OLFM1: variants seen among roughly 807,000 people sequenced by gnomAD.
OLFM1 encodes the protein noelin.
A neutral mutation model predicts 49.7 loss-of-function variants in OLFM1; 9 were observed. The ratio of observed to expected loss-of-function variants is 0.18; its 90% CI spans 0.11 to 0.32. The LOEUF (loss-of-function observed/expected upper bound fraction) is 0.32, where lower values mean the gene tolerates loss of function less well. OLFM1 is among the 10% of genes least tolerant of loss of function. The pLI is 1.00. For missense variants in OLFM1, 369 were observed against 661.8 expected (o/e 0.56, Z 4.85); for synonymous variants, 240 against 271.8 (o/e 0.88, Z 1.15).
chr9:135,107,487 G>T (rs961544843), intron 5 of OLFM1, among the ~76,000 whole-genome samples: 3 of 152,186 alleles, frequency 2.0e-5, no homozygotes, highest in African/African-American at 7.2e-5. Flanking sequence ...GGGGAGGTGA[G>T]GGTGGCTGCC....
At chr9:135,103,145 A>G (rs1053221602) in intron 4 of OLFM1, among the ~76,000 whole-genome samples, 1 of 152,112 alleles carries the variant, frequency 6.6e-6, no homozygotes, top group African/African-American at 2.4e-5. Flanking sequence ...CGTTTGGGCC[A>G]TTTCCTGAGC....
In OLFM1 at chr9:135,119,578, G is replaced by A. The variant is rs767327456; in HGVS notation, c.858G>A (p.Thr286=). 1.2e-5 allele frequency: 20 copies of A among 1,613,958 alleles called. No individual in the cohort carries two copies. Among genetic ancestry groups the A allele is most frequent in the Middle Eastern group, 1.6e-4 (1 of 6,084 alleles). The stretch of plus-strand genomic sequence containing the variant: ...AGTCCATGGTTGACTTCATGAACAC[G>A]GACAATTTCACCTCCCACCGTCTCC... The part of the protein sequence containing the change: ...EYKSMVDFMN[T]DNFTSHRLPH... The change falls in exon 6 of 6, where the codon ACG becomes ACA. Residue 286 remains threonine, a synonymous_variant. Coordinates refer to ENST00000371793, the MANE Select transcript of OLFM1 (RefSeq NM_001282611.2).
intron 5 of OLFM1, among the ~76,000 whole-genome samples, chr9:135,108,504 G>A (rs1274567804): frequency 6.6e-6 from 1 of 151,896 alleles, no homozygotes; most frequent in African/African-American, 2.4e-5. Context: ...GTGGTGGCGT[G>A]CACCTGTAAT....
chr9:135,112,895 A>G (rs2382979), intron 5 of OLFM1, among the ~76,000 whole-genome samples: 32,320 of 152,148 alleles, frequency 0.21, 3,564 homozygotes, highest in Middle Eastern at 0.29. Flanking sequence ...AGAGGGCATC[A>G]CTGGGGGCAT....
chr9:135,117,215 C>T lies in OLFM1; in HGVS notation c.784-2289C>T, dbSNP rs568822494. ...GTTCTCAAGTCAACTGGCATTTCAT[C>T]GGAAATCTCTTCTTCTGTAACCCCA... On this transcript the variant is annotated intron_variant, in intron 5 of 5. Transcript: ENST00000371793. This position sits in a 1 kb window ranked among gnomAD's most constrained non-coding sequence, Gnocchi z 5.5. Among the ~76,000 whole-genome samples the T allele has an allele frequency of 1.4e-4, 22 of 152,282 alleles. No individual in the cohort carries two copies. In the South Asian group the frequency reaches 3.1e-3, roughly 22 times the overall value.
chr9:135,080,833 G>A lies in OLFM1; in HGVS notation c.96+5031G>A, dbSNP rs1236738415. On this transcript the variant is annotated intron_variant, in intron 1 of 5. Transcript: ENST00000252854. The surrounding 1 kb of genome is among the most constrained non-coding windows in gnomAD (Gnocchi z 4.5). ...CTGAAAGATTCGTCCTGGACACCCTGCACGCTCGGAAACCTCAGCGCTGTC... is the reference window on the plus strand; with the variant it reads ...CTGAAAGATTCGTCCTGGACACCCTACACGCTCGGAAACCTCAGCGCTGTC... Among the ~76,000 whole-genome samples the A allele has an allele frequency of 6.6e-6, 1 of 152,128 alleles. No individual in the cohort carries two copies. The highest frequency in any genetic ancestry group is 2.4e-5 in the African/African-American group (1 of 41,422).
chr9:135,086,404 C>T (rs1005900482), upstream of OLFM1: 4 of 358,088 alleles, frequency 1.1e-5, no homozygotes, highest in Admixed American at 1.1e-4. Context: ...GTCTCTTCAG[C>T]CGAGGACTGC....
rs762322356 is a variant in OLFM1, at chr9:135,096,038, C to A, written c.456+19C>A. 3.8e-6 allele frequency: 5 copies of A among 1,331,146 alleles called. No individual in the cohort carries two copies. In the South Asian group the frequency reaches 4.7e-5, roughly 13 times the overall value. The allele number at this position is 1,331,146 out of a possible 1,614,324, so 82.5% of individuals were successfully genotyped here. ...GTTTAAGGTATGCATGTTCCTCCCC[C>A]TCTCCCTCCCCTTATCCTCCTCCTC... is the stretch of plus-strand genomic sequence containing the variant. On this transcript the variant is annotated intron_variant, in intron 3 of 5. Transcript: ENST00000371793.
chr9:135,078,919 C>T (rs1830500170), intron 1 of OLFM1, among the ~76,000 whole-genome samples: 1 of 152,216 alleles, frequency 6.6e-6, no homozygotes, highest in Admixed American at 6.5e-5. Flanking sequence ...TGAGCCTGAC[C>T]TTCCTTGTTT....
In OLFM1 at chr9:135,115,873, C is replaced by T. The variant is rs561252827; in HGVS notation, c.784-3631C>T. Among the ~76,000 whole-genome samples, 67 of 152,356 alleles carry T rather than the reference C, an allele frequency of 4.4e-4. 1 individual carries two copies. The South Asian group carries it at 0.013, about 29-fold the overall frequency. ...GATAATTGAAGGCAAGAGATGATGC[C>T]AGCGTCCGGCACAGTGAATGCCCTG... On this transcript the variant is annotated intron_variant, in intron 5 of 5. Coordinates refer to ENST00000371793, the MANE Select transcript of OLFM1 (RefSeq NM_001282611.2).
chr9:135,119,606 C>T lies in OLFM1; in HGVS notation c.886C>T (p.His296Tyr). Residue 296 changes from histidine (H) to tyrosine (Y), a missense_variant, in exon 6 of 6, where the codon CAC becomes TAC. Coordinates refer to ENST00000371793, the MANE Select transcript of OLFM1 (RefSeq NM_001282611.2). ...CAATTTCACCTCCCACCGTCTCCCC[C>T]ACCCCTGGTCGGGCACGGGGCAGGT... Reference protein sequence around the residue: ...TDNFTSHRLPHPWSGTGQVVY... With the variant: ...TDNFTSHRLPYPWSGTGQVVY... 1.9e-6 allele frequency: 3 copies of T among 1,614,128 alleles called. No homozygotes were observed. Among genetic ancestry groups the T allele is most frequent in the Non-Finnish European group, 2.5e-6 (3 of 1,179,988 alleles).
chr9:135,075,921 C>G (rs1830458709), intron 1 of OLFM1: 1 of 1,410,796 alleles, frequency 7.1e-7, no homozygotes, highest in East Asian at 2.8e-5. Flanking sequence ...GGCCTGGGCG[C>G]CCGAAGTGCC....
At chr9:135,077,269 A>C in intron 1 of OLFM1, 1 of 1,434,628 alleles carries the variant, frequency 7.0e-7, no homozygotes, top group Non-Finnish European at 9.2e-7. Flanking sequence ...TTATTGAGAC[A>C]CCTTGGCAAA....
chr9:135,078,129 G>T (rs60281727), intron 1 of OLFM1, among the ~76,000 whole-genome samples: 1 of 152,176 alleles, frequency 6.6e-6, no homozygotes, highest in Non-Finnish European at 1.5e-5. Flanking sequence ...AAAGTTATGC[G>T]TTGCGGGTTC....
Position 135,117,914 on chromosome 9 carries a change from C to A in OLFM1, c.784-1590C>A, listed in dbSNP as rs953009577. On this transcript the variant is annotated intron_variant, in intron 5 of 5. Coordinates refer to ENST00000371793, the MANE Select transcript of OLFM1 (RefSeq NM_001282611.2). This position sits in a 1 kb window ranked among gnomAD's most constrained non-coding sequence, Gnocchi z 5.5. Reference sequence around the variant, plus strand: ...GTTCCCATCTCACCTTCCCACTAGACCCTTTCTTCAAACTGGGCCATCCTT... The same window carrying A: ...GTTCCCATCTCACCTTCCCACTAGAACCTTTCTTCAAACTGGGCCATCCTT... Among the ~76,000 whole-genome samples, 1 of 152,234 alleles carries A rather than the reference C, an allele frequency of 6.6e-6. No individual in the cohort carries two copies. Among genetic ancestry groups the A allele is most frequent in the African/African-American group, 2.4e-5 (1 of 41,460 alleles).
chr9:135,110,734 G>A lies in OLFM1; in HGVS notation c.783+3879G>A, dbSNP rs114849738. ...CCTTCACTCCCCAAGTGGAGCCTCC[G>A]GCAGAAACTGCCAGCATCCCCCCCA... is the stretch of plus-strand genomic sequence containing the variant. On this transcript the variant is annotated intron_variant, in intron 5 of 5. Transcript: ENST00000371793. Among the ~76,000 whole-genome samples the A allele has an allele frequency of 7.6e-3, 1,157 of 152,136 alleles. 8 individuals are homozygous for A. Among genetic ancestry groups the A allele is most frequent in the African/African-American group, 0.024 (1,004 of 41,494 alleles).
In OLFM1 at chr9:135,088,361, G is replaced by A. The variant is rs377236252; in HGVS notation, c.150+222G>A. Among the ~76,000 whole-genome samples the A allele has an allele frequency of 6.6e-6, 1 of 151,780 alleles. No individual in the cohort carries two copies. Among genetic ancestry groups the A allele is most frequent in the Non-Finnish European group, 1.5e-5 (1 of 67,892 alleles). ...TGGGCCACTCCATCTCCGCCCGCGC[G>A]CCCCTGGGGCGGCGTTTCCTTCGTC... On this transcript the variant is annotated intron_variant, in intron 1 of 5. Coordinates refer to ENST00000371793, the MANE Select transcript of OLFM1 (RefSeq NM_001282611.2). The surrounding 1 kb of genome is among the most constrained non-coding windows in gnomAD (Gnocchi z 4.8).
upstream of OLFM1, among the ~76,000 whole-genome samples, chr9:135,084,590 GTCTC>G (rs147316858): frequency 5.7e-4 from 84 of 147,006 alleles, no homozygotes; most frequent in African/African-American, 1.8e-3. This position sits in a 1 kb window ranked among gnomAD's most constrained non-coding sequence, Gnocchi z 4.6. Context: ...CTCTGCCTTT[GTCTC>G]TCTCTCTCTC....
chr9:135,118,299 G>GTGCTCACCGGGTCTTTGGAA (rs1351006628), intron 5 of OLFM1, among the ~76,000 whole-genome samples: 1 of 151,488 alleles, frequency 6.6e-6, no homozygotes, highest in African/African-American at 2.4e-5. Context: ...GGTCTTTGGA[G>GTGCTCACCGGGTCTTTGGAA]TGCTCACCAG....
Sources: allele counts gnomAD v4.1 joint callset (sites outside exome capture counted in the v4.1 genomes callset), GRCh38; gene constraint gnomAD v4.1.1; non-coding constraint Gnocchi (gnomAD v3.1); transcripts MANE v1.5; gene names NCBI Gene and HGNC (gene_info 2026-07-23, HGNC 2026-07-21).